The following CADPS variants were observed in gnomAD, a reference collection of about 807,000 sequenced individuals.
CADPS encodes calcium dependent secretion activator, also known as calcium-dependent secretion activator 1.
A neutral mutation model predicts 167.3 loss-of-function variants in CADPS; 57 were observed. The observed-to-expected ratio is 0.34, with a 90% CI of 0.28 to 0.42. The LOEUF is 0.42. Ranked by LOEUF, CADPS falls within the 20% of genes least tolerant of loss-of-function variation. The pLI, the probability that CADPS is intolerant of heterozygous loss-of-function variation, is 1.00. For synonymous variants in CADPS, 676 were observed against 635.3 expected, an observed-to-expected ratio of 1.06 and a Z score of -0.96; for missense variants, 1,414 against 1,738.1, an observed-to-expected ratio of 0.81 and a Z score of 3.32.
At chr3:62,473,641 G>C (rs1037936297) in intron 24 of CADPS, 1 of 151,342 alleles carries the variant, frequency 6.6e-6, no homozygotes, top group Non-Finnish European at 1.5e-5. Context: ...GGTCAGGAAA[G>C]ATTCATGATC....
chr3:62,855,738 T>G (rs1219775588), intron 1 of CADPS, among the ~76,000 whole-genome samples: 1 of 152,214 alleles, frequency 6.6e-6, no homozygotes, highest in East Asian at 1.9e-4. Context: ...TTTGCCTTTA[T>G]GCATGGGTTC....
chr3:62,782,918 C>G (rs139633202), intron 1 of CADPS, among the ~76,000 whole-genome samples: 1 of 151,998 alleles, frequency 6.6e-6, no homozygotes, highest in Admixed American at 6.6e-5. Context: ...CGCCACCATG[C>G]CTGGCTAATT....
At chr3:62,655,692 A>G (rs906455436) in intron 4 of CADPS, among the ~76,000 whole-genome samples, 1 of 152,156 alleles carries the variant, frequency 6.6e-6, no homozygotes, top group African/African-American at 2.4e-5. Context: ...CCTAGACCCC[A>G]AAGACTCAAA....
chr3:62,431,920 T>A (rs549891541), intron 28 of CADPS, among the ~76,000 whole-genome samples: 5 of 151,792 alleles, frequency 3.3e-5, no homozygotes, highest in Non-Finnish European at 7.4e-5. Context: ...TAATGATATG[T>A]GGGTGCTGGG....
intron 5 of CADPS, among the ~76,000 whole-genome samples, chr3:62,648,366 G>A (rs1409198629): frequency 6.6e-6 from 1 of 151,952 alleles, no homozygotes; most frequent in Non-Finnish European, 1.5e-5. Context: ...GTGTAATATC[G>A]AGTACTGACA....
chr3:62,795,763 G>T (rs549151700), intron 1 of CADPS, among the ~76,000 whole-genome samples: 1 of 152,132 alleles, frequency 6.6e-6, no homozygotes, highest in Non-Finnish European at 1.5e-5. Context: ...GTCTACTACT[G>T]GTATTATGGA....
chr3:62,731,835 A>AAAG (rs568495417), intron 3 of CADPS, among the ~76,000 whole-genome samples: 3 of 110,208 alleles, frequency 2.7e-5, no homozygotes, highest in Admixed American at 1.0e-4. Flanking sequence ...AAAAAAGTAA[A>AAAG]GAAGGAAGAA....
intron 26 of CADPS, among the ~76,000 whole-genome samples, chr3:62,456,013 T>C (rs2058648325): frequency 6.6e-6 from 1 of 152,190 alleles, no homozygotes. Context: ...CTCTCTTTTT[T>C]GTTTTCATTT....
At chr3:62,580,090 G>A (rs1027137554) in intron 8 of CADPS, among the ~76,000 whole-genome samples, 2 of 152,118 alleles carry the variant, frequency 1.3e-5, no homozygotes, top group East Asian at 3.9e-4. Context: ...CTAAGAGTTC[G>A]AGACCAAAGG....
At chr3:62,863,878 G>C (rs2081243328) in intron 1 of CADPS, among the ~76,000 whole-genome samples, 1 of 152,186 alleles carries the variant, frequency 6.6e-6, no homozygotes, top group Non-Finnish European at 1.5e-5. Context: ...CATTCACAGA[G>C]TTAGAAAATA....
At chr3:62,591,100 C>T (rs1218057422) in intron 7 of CADPS, among the ~76,000 whole-genome samples, 1 of 152,122 alleles carries the variant, frequency 6.6e-6, no homozygotes. Context: ...TCAGGCGATC[C>T]ACCCGCCTCG....
intron 4 of CADPS, among the ~76,000 whole-genome samples, chr3:62,656,735 GTATTAATT>G (rs1181185038): frequency 9.2e-5 from 14 of 152,134 alleles, no homozygotes; most frequent in African/African-American, 3.1e-4. Context: ...AGAGGTCTTG[GTATTAATT>G]TGTCAAAATA....
chr3:62,779,881 T>A (rs2091216626), intron 1 of CADPS: 1 of 182,600 alleles, frequency 5.5e-6, no homozygotes, highest in Admixed American at 5.9e-5. Context: ...TGAAGCAGAT[T>A]TAGGGATAAC....
At chr3:62,710,936 T>C (rs1056066991) in intron 3 of CADPS, among the ~76,000 whole-genome samples, 2 of 152,196 alleles carry the variant, frequency 1.3e-5, no homozygotes, top group Non-Finnish European at 2.9e-5. Flanking sequence ...TGCCTATTCC[T>C]TCAGGATCCC....
intron 3 of CADPS, among the ~76,000 whole-genome samples, chr3:62,705,133 T>G (rs115310334): frequency 0.015 from 2,303 of 152,248 alleles, 78 homozygotes; most frequent in African/African-American, 0.052. Context: ...TGGTTTCATT[T>G]GCTGTGCCCT....
intron 13 of CADPS, among the ~76,000 whole-genome samples, chr3:62,519,254 G>T (rs2069806675): frequency 6.6e-6 from 1 of 152,126 alleles, no homozygotes; most frequent in Non-Finnish European, 1.5e-5. Flanking sequence ...TCTTCAGTTT[G>T]CAAATGCAAG....
intron 3 of CADPS, among the ~76,000 whole-genome samples, chr3:62,678,183 C>T (rs2076613802): frequency 6.6e-6 from 1 of 152,026 alleles, no homozygotes; most frequent in South Asian, 2.1e-4. Context: ...AACACACAAT[C>T]CCCTCTCCTT....
chr3:62,739,555 T>G (rs1349038415), intron 3 of CADPS, among the ~76,000 whole-genome samples: 1 of 152,186 alleles, frequency 6.6e-6, no homozygotes, highest in Non-Finnish European at 1.5e-5. Flanking sequence ...TGTTAAATCT[T>G]TTTGGCCTCC....
chr3:62,849,294 C>A lies in CADPS; in HGVS notation c.441+25295G>T, dbSNP rs1416559471. On this transcript the variant is annotated intron_variant, in intron 1 of 29. Transcript: ENST00000383710. ...TCCTTCTCCTGCCTGATTGCCCTGG[C>A]CAGAACTTCCAACACTATGTTGAAT... 1.4e-5 allele frequency among the ~76,000 whole-genome samples: 2 copies of A among 147,306 alleles called. 1 individual carries two copies. The highest frequency in any genetic ancestry group is 3.0e-5 in the Non-Finnish European group (2 of 66,680).
Sources: allele counts gnomAD v4.1 joint callset (sites outside exome capture counted in the v4.1 genomes callset), GRCh38; gene constraint gnomAD v4.1.1; transcripts MANE v1.5; gene names NCBI Gene and HGNC (gene_info 2026-07-23, HGNC 2026-07-21).